PTPRD: variants seen among roughly 807,000 people sequenced by gnomAD.
PTPRD encodes the protein protein tyrosine phosphatase receptor type D, also known as receptor-type tyrosine-protein phosphatase delta.
In PTPRD, 34 loss-of-function variants were observed where a neutral mutation model predicts 214.5. The observed-to-expected ratio is 0.16, with a 90% CI of 0.12 to 0.21. The LOEUF is 0.21. Ranked by LOEUF, PTPRD falls within the 10% of genes least tolerant of loss-of-function variation. The pLI, the probability that PTPRD is intolerant of heterozygous loss-of-function variation, is 1.00. For synonymous variants in PTPRD, 1,128 were observed against 845.7 expected, an observed-to-expected ratio of 1.33 and a Z score of -5.79; for missense variants, 2,545 against 2,398.7, an observed-to-expected ratio of 1.06 and a Z score of -1.27.
intron 5 of PTPRD, chr9:9,800,710 T>A (rs2099033830): frequency 6.6e-6 from 1 of 152,226 alleles, no homozygotes; most frequent in African/African-American, 2.4e-5. Context: ...ACTGATTGAA[T>A]GATATGTCAT....
At position 10,273,600 on chromosome 9, in the gene PTPRD, T is replaced by A. The variant is rs16925634; in HGVS notation, c.-545+67363A>T. Among the ~76,000 whole-genome samples the A allele has an allele frequency of 8.8e-3, 1,342 of 152,210 alleles. 23 individuals carry two copies. The highest frequency in any genetic ancestry group is 0.031 in the African/African-American group (1,271 of 41,542). ...GGTGATTCCTAAGTGTATATCAGAATTTCTCCAAGGACATATGCAATCCAC... is the reference window on the plus strand; with the variant it reads ...GGTGATTCCTAAGTGTATATCAGAAATTCTCCAAGGACATATGCAATCCAC... On this transcript the variant is annotated intron_variant, in intron 3 of 45. Transcript: ENST00000381196.
chr9:10,041,512 ATT>A (rs58321166), intron 3 of PTPRD, among the ~76,000 whole-genome samples: 21 of 150,008 alleles, frequency 1.4e-4, no homozygotes, highest in African/African-American at 4.9e-4. Flanking sequence ...AACTATTTCA[ATT>A]TTTTTTTTAT....
intron 14 of PTPRD, among the ~76,000 whole-genome samples, chr9:8,602,212 A>C (rs1179770113): frequency 6.6e-6 from 1 of 152,206 alleles, no homozygotes; most frequent in African/African-American, 2.4e-5. Context: ...CTGAGCCAAT[A>C]GTTCTAAATA....
At chr9:9,642,561 T>C (rs943422922) in intron 7 of PTPRD, among the ~76,000 whole-genome samples, 2 of 152,136 alleles carry the variant, frequency 1.3e-5, no homozygotes, top group Non-Finnish European at 1.5e-5. Flanking sequence ...CTGTAACTGT[T>C]TGCAGATATG....
chr9:8,362,092 T>C (rs2078651161), intron 39 of PTPRD, among the ~76,000 whole-genome samples: 1 of 152,246 alleles, frequency 6.6e-6, no homozygotes. Context: ...TTGTACAGTA[T>C]GCAGGCCACA....
At chr9:9,699,916 T>A (rs1307914172) in intron 7 of PTPRD, among the ~76,000 whole-genome samples, 2 of 152,196 alleles carry the variant, frequency 1.3e-5, no homozygotes, top group South Asian at 4.1e-4. Flanking sequence ...GAGATAACCC[T>A]GTACAGCAGG....
intron 9 of PTPRD, among the ~76,000 whole-genome samples, chr9:9,378,356 C>T (rs2061349694): frequency 6.6e-6 from 1 of 152,096 alleles, no homozygotes; most frequent in Non-Finnish European, 1.5e-5. Flanking sequence ...CATAGCTTGA[C>T]AGATCATTTC....
At chr9:8,849,677 G>C (rs903910615) in intron 11 of PTPRD, among the ~76,000 whole-genome samples, 2 of 152,212 alleles carry the variant, frequency 1.3e-5, no homozygotes, top group African/African-American at 2.4e-5. Flanking sequence ...TAGAACTAAA[G>C]AGGTGCCCAA....
At chr9:9,080,149 T>C (rs2099756984) in intron 10 of PTPRD, among the ~76,000 whole-genome samples, 1 of 152,052 alleles carries the variant, frequency 6.6e-6, no homozygotes, top group Admixed American at 6.6e-5. Flanking sequence ...ATATTACTCA[T>C]TTCTCAATTT....
intron 7 of PTPRD, among the ~76,000 whole-genome samples, chr9:9,647,696 G>T (rs147396269): frequency 6.6e-6 from 1 of 152,150 alleles, no homozygotes; most frequent in East Asian, 1.9e-4. Flanking sequence ...TCTGAGCAAT[G>T]TTCTAATTTC....
intron 7 of PTPRD, among the ~76,000 whole-genome samples, chr9:9,691,250 G>A (rs1297356074): frequency 6.6e-6 from 1 of 151,678 alleles, no homozygotes; most frequent in East Asian, 1.9e-4. Context: ...GTTCTATTTT[G>A]TATGCACTAG....
At chr9:9,636,478 A>G (rs1288321115) in intron 7 of PTPRD, among the ~76,000 whole-genome samples, 1 of 152,014 alleles carries the variant, frequency 6.6e-6, no homozygotes, top group Non-Finnish European at 1.5e-5. Context: ...ACAGTTATAT[A>G]GATATTGATA....
At chr9:8,946,498 A>C (rs374389536) in intron 11 of PTPRD, among the ~76,000 whole-genome samples, 195 of 152,230 alleles carry the variant, frequency 1.3e-3, no homozygotes, top group African/African-American at 4.6e-3. Context: ...TGATATATGA[A>C]AATCCCTTAT....
At chr9:9,968,809 G>C (rs1185055315) in intron 4 of PTPRD, among the ~76,000 whole-genome samples, 1 of 152,160 alleles carries the variant, frequency 6.6e-6, no homozygotes, top group Admixed American at 6.6e-5. Flanking sequence ...TTTGGCATTA[G>C]AGAACGAGAA....
intron 2 of PTPRD, among the ~76,000 whole-genome samples, chr9:10,511,392 T>C (rs72700974): frequency 0.098 from 14,938 of 151,840 alleles, 985 homozygotes; most frequent in African/African-American, 0.18. Flanking sequence ...GCATTTGCTG[T>C]TGCCATTTCT....
rs1268493859 is a variant in PTPRD, at chr9:8,614,073, A to T, written c.352+19244T>A. On this transcript the variant is annotated intron_variant, in intron 14 of 45. Coordinates refer to ENST00000381196, the MANE Select transcript of PTPRD (RefSeq NM_002839.4). ...TGTTATTTGATATAGTGTTATTTTT[A>T]ATATACTGTCATTCAGATGTGAATA... 2.6e-5 allele frequency among the ~76,000 whole-genome samples: 4 copies of T among 152,064 alleles called. 1 individual carries two copies. The South Asian group carries it at 6.2e-4, about 24-fold the overall frequency.
At chr9:10,377,531 A>G (rs1401336256) in intron 2 of PTPRD, among the ~76,000 whole-genome samples, 1 of 151,878 alleles carries the variant, frequency 6.6e-6, no homozygotes, top group Admixed American at 6.6e-5. Flanking sequence ...ATGAGTGAGA[A>G]CAGGCGATGT....
intron 7 of PTPRD, among the ~76,000 whole-genome samples, chr9:9,647,424 A>C (rs1162964020): frequency 6.6e-6 from 1 of 152,118 alleles, no homozygotes; most frequent in African/African-American, 2.4e-5. Flanking sequence ...CGGGTGAATA[A>C]TACTCTTCAG....
chr9:9,813,183 T>C lies in PTPRD; in HGVS notation c.-367-46332A>G, dbSNP rs573322588. Among the ~76,000 whole-genome samples the C allele has an allele frequency of 2.6e-5, 4 of 152,134 alleles. No individual in the cohort carries two copies. In the South Asian group the frequency reaches 8.3e-4, roughly 31 times the overall value. On this transcript the variant is annotated intron_variant, in intron 5 of 45. Transcript: ENST00000381196. ...AGGGAAGTTCATAGTGACAAATGCT[T>C]ACATTTATTAATAATAAAGATCTCA... is the stretch of plus-strand genomic sequence containing the variant.
Sources: allele counts gnomAD v4.1 joint callset (sites outside exome capture counted in the v4.1 genomes callset), GRCh38; gene constraint gnomAD v4.1.1; transcripts MANE v1.5; gene names NCBI Gene and HGNC (gene_info 2026-07-23, HGNC 2026-07-21).